Variants in RPH3A observed in about 807,000 individuals in gnomAD.
The protein encoded by RPH3A is rabphilin 3A.
In RPH3A, 48 loss-of-function variants were observed where a neutral mutation model predicts 102.2. The observed-to-expected ratio is 0.47, with a 90% CI of 0.37 to 0.60. The LOEUF (loss-of-function observed/expected upper bound fraction) is 0.60. Among genes scored for constraint, RPH3A ranks in the 20% least tolerant of loss-of-function variants. The probability of loss-of-function intolerance (pLI) is 0.00; values close to 1 mark genes in which losing one functional copy is unlikely to be tolerated. For missense variants in RPH3A, 781 were observed against 910.1 expected, an observed-to-expected ratio of 0.86 and a Z score of 1.83; for synonymous variants, 310 against 324.3, an observed-to-expected ratio of 0.96 and a Z score of 0.47.
intron 1 of RPH3A, among the ~76,000 whole-genome samples, chr12:112,696,924 T>G (rs973915287): frequency 6.6e-6 from 1 of 152,076 alleles, no homozygotes; most frequent in Non-Finnish European, 1.5e-5. Context: ...TCTTTTTTTT[T>G]TACAGTAAAC....
Position 112,887,863 on chromosome 12 carries a change from C to T in RPH3A, c.1503C>T (p.Leu501=). ...TTATTGGTGAGACCAGATTCTCCCT[C>T]AAGAAACTGAAGCCCAACCAGAGGA... is the stretch of plus-strand genomic sequence containing the variant. The part of the protein sequence containing the change: ...NEFIGETRFS[L]KKLKPNQRKN... The change falls in exon 17 of 22, where the codon CTC becomes CTT. Residue 501 remains leucine (L), a synonymous_variant. Transcript: ENST00000389385. 2.5e-6 allele frequency: 4 copies of T among 1,613,986 alleles called. No individual in the cohort carries two copies. The highest frequency in any genetic ancestry group is 3.4e-6 in the Non-Finnish European group (4 of 1,179,898).
chr12:112,786,655 C>T (rs571333815), intron 1 of RPH3A, among the ~76,000 whole-genome samples: 2 of 152,340 alleles, frequency 1.3e-5, no homozygotes, highest in African/African-American at 4.8e-5. Context: ...AGGGCACACA[C>T]ATGGTATTGT....
intron 1 of RPH3A, among the ~76,000 whole-genome samples, chr12:112,644,084 A>G (rs2039909680): frequency 1.3e-5 from 2 of 152,208 alleles, no homozygotes. Flanking sequence ...TTTAAGTGGG[A>G]GCTAAATAAT....
intron 16 of RPH3A, among the ~76,000 whole-genome samples, chr12:112,883,820 A>G (rs2042964152): frequency 1.3e-5 from 2 of 152,168 alleles, no homozygotes; most frequent in African/African-American, 4.8e-5. Flanking sequence ...GGCTGGTGTG[A>G]AAGTAATTGC....
At chr12:112,874,556 A>G (rs144949174) in intron 10 of RPH3A, among the ~76,000 whole-genome samples, 1 of 152,302 alleles carries the variant, frequency 6.6e-6, no homozygotes, top group East Asian at 1.9e-4. Context: ...TTCAGAGAGG[A>G]TGAGTATCCA....
At chr12:112,680,091 G>C (rs562514953) in intron 1 of RPH3A, among the ~76,000 whole-genome samples, 1 of 152,324 alleles carries the variant, frequency 6.6e-6, no homozygotes, top group East Asian at 1.9e-4. Context: ...TCAAGGAATG[G>C]GGGCAGAAAA....
chr12:112,736,383 G>A (rs764664702), intron 1 of RPH3A, among the ~76,000 whole-genome samples: 4 of 152,226 alleles, frequency 2.6e-5, no homozygotes, highest in Non-Finnish European at 5.9e-5. Flanking sequence ...GTCTCACTGT[G>A]TTGTACTTAT....
chr12:112,581,693 C>T (rs937984520), intron 1 of RPH3A, among the ~76,000 whole-genome samples: 23 of 149,694 alleles, frequency 1.5e-4, no homozygotes, highest in Non-Finnish European at 2.7e-4. Flanking sequence ...AGCCTGGCCA[C>T]GAACAACATT....
rs117104382 is a variant in RPH3A, at chr12:112,883,630, C to T, written c.1436+228C>T. The stretch of plus-strand genomic sequence containing the variant: ...TACTGTTAACATCTTGGTATCTGTT[C>T]GTTCAGGGGGTGTGTGTTGGGGGAT... On this transcript the variant is annotated intron_variant, in intron 16 of 21. Coordinates refer to ENST00000389385, the MANE Select transcript of RPH3A (RefSeq NM_001143854.2). Among the ~76,000 whole-genome samples the T allele has an allele frequency of 3.6e-3, 547 of 150,948 alleles. 2 individuals carry two copies. The highest frequency in any genetic ancestry group is 5.6e-3 in the Non-Finnish European group (380 of 67,830).
chr12:112,763,308 G>T (rs928174959), intron 1 of RPH3A, among the ~76,000 whole-genome samples: 2 of 152,228 alleles, frequency 1.3e-5, no homozygotes, highest in Non-Finnish European at 2.9e-5. Flanking sequence ...TTTATTCTGA[G>T]CCAAATATGA....
chr12:112,713,100 CTTT>C (rs560010256), intron 1 of RPH3A, among the ~76,000 whole-genome samples: 2 of 91,166 alleles, frequency 2.2e-5, no homozygotes, highest in East Asian at 6.0e-4. Context: ...TCTTCTTCTT[CTTT>C]TATTTTTTTG....
chr12:112,744,210 G>A (rs1318450404), intron 1 of RPH3A, among the ~76,000 whole-genome samples: 2 of 152,026 alleles, frequency 1.3e-5, no homozygotes, highest in Non-Finnish European at 2.9e-5. Flanking sequence ...CGAGTAGCTG[G>A]GATTACAGGC....
chr12:112,783,921 A>G (rs1337698210), intron 1 of RPH3A, among the ~76,000 whole-genome samples: 2 of 152,216 alleles, frequency 1.3e-5, no homozygotes, highest in Non-Finnish European at 2.9e-5. Flanking sequence ...TCCACAGCAG[A>G]GATGAGGAAT....
intron 1 of RPH3A, among the ~76,000 whole-genome samples, chr12:112,671,905 T>C (rs2040134155): frequency 6.6e-6 from 1 of 151,664 alleles, no homozygotes; most frequent in Non-Finnish European, 1.5e-5. Flanking sequence ...CAATAGGATA[T>C]ATATACACAC....
chr12:112,619,532 C>T (rs545673859), intron 1 of RPH3A, among the ~76,000 whole-genome samples: 4 of 152,274 alleles, frequency 2.6e-5, no homozygotes, highest in East Asian at 1.9e-4. Flanking sequence ...ATCTGCCCAC[C>T]TTGGCCTCCC....
In RPH3A at chr12:112,890,988, A is replaced by T. The variant is rs1385089801; in HGVS notation, c.1760A>T (p.Asp587Val). The part of the protein sequence containing the change: ...LAAMDANGYS[D>V]PFVKLWLKPD... ...GCCATGGACGCTAATGGCTACTCAGACCCATTCGTCAAGCTGTAAGTCAAT... is the reference window on the plus strand; with the variant it reads ...GCCATGGACGCTAATGGCTACTCAGTCCCATTCGTCAAGCTGTAAGTCAAT... Residue 587 changes from aspartate to valine, a missense_variant, in exon 19 of 22, where the codon GAC becomes GTC. Coordinates refer to ENST00000389385, the MANE Select transcript of RPH3A (RefSeq NM_001143854.2). The T allele has an allele frequency of 6.2e-7, 1 of 1,613,962 alleles. No homozygotes were observed. The highest frequency in any genetic ancestry group is 8.5e-7 in the Non-Finnish European group (1 of 1,180,020).
intron 1 of RPH3A, among the ~76,000 whole-genome samples, chr12:112,728,742 G>A (rs1333425918): frequency 6.6e-6 from 1 of 152,188 alleles, no homozygotes; most frequent in Non-Finnish European, 1.5e-5. Flanking sequence ...ATGTCAAGCA[G>A]TGGTGACTTT....
chr12:112,597,386 C>A (rs1015003488), intron 1 of RPH3A, among the ~76,000 whole-genome samples: 22 of 152,006 alleles, frequency 1.4e-4, no homozygotes, highest in African/African-American at 5.1e-4. Flanking sequence ...AGTTTAAGAC[C>A]AGCCCGGGCA....
intron 1 of RPH3A, among the ~76,000 whole-genome samples, chr12:112,685,670 C>A (rs940131660): frequency 6.6e-6 from 1 of 152,162 alleles, no homozygotes; most frequent in African/African-American, 2.4e-5. Context: ...GCCTTTGGGC[C>A]AGCTGGAGAC....
Sources: gnomAD v4.1 joint callset for allele counts (sites outside exome capture counted in the v4.1 genomes callset) on GRCh38, gnomAD v4.1.1 for gene constraint, MANE v1.5 for transcripts, NCBI Gene and HGNC (gene_info 2026-07-23, HGNC 2026-07-21) for gene names.